Variants in MEGF6 observed in about 807,000 individuals in gnomAD.
The protein encoded by MEGF6 is multiple EGF like domains 6.
Under a neutral mutation model 207.1 loss-of-function variants are expected in MEGF6, and 184 were observed. The observed-to-expected ratio is 0.89, with a 90% CI of 0.79 to 1.00. The LOEUF (loss-of-function observed/expected upper bound fraction) is 1.00. MEGF6 is among the 50% of genes least tolerant of loss of function. MEGF6 has a pLI of 0.00. For synonymous variants in MEGF6, 1,038 were observed against 910.0 expected (o/e 1.14, Z -2.53); for missense variants, 2,282 against 2,202.9 (o/e 1.04, Z -0.72).
intron 34 of MEGF6, 82 bp from the exon 35 acceptor site, chr1:3,492,849 G>T (rs538907382): frequency 2.0e-6 from 3 of 1,534,886 alleles, no homozygotes; most frequent in Non-Finnish European, 8.8e-7. Flanking sequence ...CTAGGGGCCC[G>T]CGGCAGAGCC....
At chr1:3,508,834 A>G in intron 12 of MEGF6, 145 bp from the exon 13 acceptor site, 2 of 1,165,644 alleles carry the variant, frequency 1.7e-6, no homozygotes, top group South Asian at 3.2e-5. Flanking sequence ...ACATGGGGAC[A>G]GATGCTGGGG....
chr1:3,618,967 C>A, the MEGF6 span, among the ~76,000 whole-genome samples: 1 of 152,218 alleles, frequency 6.6e-6, no homozygotes, highest in South Asian at 2.1e-4. The surrounding 1 kb of genome is among the most constrained non-coding windows in gnomAD (Gnocchi z 4.7). Context: ...CACGTGGCCC[C>A]CTGACTCCCA....
At chr1:3,549,049 T>C (rs1425215435) in intron 4 of MEGF6, among the ~76,000 whole-genome samples, 1 of 152,068 alleles carries the variant, frequency 6.6e-6, no homozygotes, top group African/African-American at 2.4e-5. Context: ...CCGCCTTGGG[T>C]ACCTGCGGGC....
In MEGF6 at chr1:3,501,888, G is replaced by T; in HGVS notation, c.2222C>A (p.Ser741Ter). Residue 741 changes from serine to a stop codon, truncating the protein, a stop_gained, in exon 18 of 37, where the codon TCG becomes TAG. Coordinates refer to ENST00000356575, the MANE Select transcript of MEGF6 (RefSeq NM_001409.4). LOFTEE classifies it high-confidence loss of function. ...CPVGTFGVNC[S>*]SSCSCGGAPC... ...GGCCCCCCCACAGGAGCAGGAGCTCGAGCAGTTCACGCCAAACGTCCCCAC... is the reference window on the plus strand; with the variant it reads ...GGCCCCCCCACAGGAGCAGGAGCTCTAGCAGTTCACGCCAAACGTCCCCAC... The T allele has an allele frequency of 6.2e-7, 1 of 1,608,462 alleles. No homozygotes were observed. The highest frequency in any genetic ancestry group is 8.5e-7 in the Non-Finnish European group (1 of 1,178,294).
rs1203728598 is a variant in MEGF6 at position 3,565,058 on chromosome 1, G to A, written c.481+14767C>T. ...CCAGGACGCGGACCCAGGAGGGCAG[G>A]GGTTTTGCTGGACTGGCTGGTGGGT... On this transcript the variant is annotated intron_variant, in intron 4 of 36. Transcript: ENST00000356575. The surrounding 1 kb of genome is among the most constrained non-coding windows in gnomAD (Gnocchi z 4.8). Among the ~76,000 whole-genome samples, 1 of 152,144 alleles carries A rather than the reference G, an allele frequency of 6.6e-6. No homozygotes were observed. Among genetic ancestry groups the A allele is most frequent in the African/African-American group, 2.4e-5 (1 of 41,430 alleles).
At chr1:3,600,985 G>A (rs1644147957) in intron 2 of MEGF6, among the ~76,000 whole-genome samples, 3 of 152,122 alleles carry the variant, frequency 2.0e-5, no homozygotes, top group Non-Finnish European at 4.4e-5. Context: ...AAGAGGCCCG[G>A]ACACCCTGCA....
the MEGF6 span, among the ~76,000 whole-genome samples, chr1:3,621,189 T>C: frequency 6.6e-6 from 1 of 152,214 alleles, no homozygotes; most frequent in Admixed American, 6.5e-5. Context: ...GAGTCTTCTC[T>C]AAACTCCCCT....
At chr1:3,574,598 C>T (rs866565551) in intron 4 of MEGF6, among the ~76,000 whole-genome samples, 2 of 151,782 alleles carry the variant, frequency 1.3e-5, no homozygotes, top group Non-Finnish European at 2.9e-5. Flanking sequence ...GGGGTGGGAA[C>T]TGAGGCCCAA....
intron 2 of MEGF6, among the ~76,000 whole-genome samples, chr1:3,601,374 A>G (rs917076027): frequency 2.6e-5 from 4 of 152,258 alleles, no homozygotes; most frequent in East Asian, 3.8e-4. Context: ...GCATCCACGC[A>G]TGGGTGACAG....
intron 4 of MEGF6, among the ~76,000 whole-genome samples, chr1:3,537,828 G>T (rs1000418252): frequency 1.3e-5 from 2 of 152,234 alleles, no homozygotes; most frequent in Admixed American, 1.3e-4. Context: ...CCCCGCAAAA[G>T]TGCTGGTCCA....
At chr1:3,592,998 G>A (rs1644003905) in intron 3 of MEGF6, among the ~76,000 whole-genome samples, 1 of 151,988 alleles carries the variant, frequency 6.6e-6, no homozygotes, top group Admixed American at 6.5e-5. Context: ...CAGCCAAGAT[G>A]CCCTCCACCC....
At chr1:3,603,070 G>A (rs939035489) in intron 1 of MEGF6, among the ~76,000 whole-genome samples, 2 of 152,188 alleles carry the variant, frequency 1.3e-5, no homozygotes, top group African/African-American at 4.8e-5. Context: ...CATCCCCTGT[G>A]AAGTCAGCGG....
Position 3,611,443 on chromosome 1 carries a change from G to A in MEGF6, c.-175C>T. ...CCGGCTTCCCGCCCGCGCCCAAAGT[G>A]GCACCGCGGAGACCTGATCGCCGGG... is the stretch of plus-strand genomic sequence containing the variant. On this transcript the variant is annotated 5_prime_UTR_variant, in exon 1 of 37. Transcript: ENST00000356575. 3 of 909,274 alleles carry A rather than the reference G, an allele frequency of 3.3e-6. No individual in the cohort carries two copies. The highest frequency in any genetic ancestry group is 3.0e-6 in the Non-Finnish European group (2 of 667,168). 56.3% of individuals were successfully genotyped at this position (909,274 alleles called of 1,614,324 possible). A position where few individuals can be genotyped will look rare whatever the true frequency, so the allele number is the denominator to read the frequency against.
chr1:3,615,943 T>C (rs1326329194), upstream of MEGF6, among the ~76,000 whole-genome samples: 1 of 152,258 alleles, frequency 6.6e-6, no homozygotes, highest in Non-Finnish European at 1.5e-5. Flanking sequence ...TTTTTAAATC[T>C]GGCAAACAAT....
the MEGF6 span, among the ~76,000 whole-genome samples, chr1:3,623,736 G>A: frequency 6.6e-6 from 1 of 152,220 alleles, no homozygotes; most frequent in East Asian, 1.9e-4. Flanking sequence ...TGGCAGCCTG[G>A]CCTGTCTGCT....
At chr1:3,553,323 C>T (rs929880727) in intron 4 of MEGF6, among the ~76,000 whole-genome samples, 6 of 152,108 alleles carry the variant, frequency 3.9e-5, no homozygotes, top group African/African-American at 1.2e-4. Flanking sequence ...TCCAGCAGGA[C>T]CCCCGCTGCC....
intron 4 of MEGF6, among the ~76,000 whole-genome samples, chr1:3,525,009 T>C (rs561607151): frequency 6.2e-4 from 94 of 152,322 alleles, no homozygotes; most frequent in African/African-American, 2.0e-3. Context: ...TTCAGAATCC[T>C]GGCCTCCAGA....
chr1:3,618,042 G>A, the MEGF6 span, among the ~76,000 whole-genome samples: 6 of 152,114 alleles, frequency 3.9e-5, no homozygotes, highest in African/African-American at 7.2e-5. The surrounding 1 kb of genome is among the most constrained non-coding windows in gnomAD (Gnocchi z 4.7). Flanking sequence ...CTGGGGCAGC[G>A]ACACCCTGCA....
At chr1:3,617,357 A>ACCGACT in the MEGF6 span, among the ~76,000 whole-genome samples, 1 of 151,608 alleles carries the variant, frequency 6.6e-6, no homozygotes, top group Non-Finnish European at 1.5e-5. Context: ...CTCCCCTGCC[A>ACCGACT]CCCGTGAATG....
Sources: allele counts gnomAD v4.1 joint callset (sites outside exome capture counted in the v4.1 genomes callset), GRCh38; gene constraint gnomAD v4.1.1; non-coding constraint Gnocchi (gnomAD v3.1); transcripts MANE v1.5; gene names NCBI Gene and HGNC (gene_info 2026-07-23, HGNC 2026-07-21).